The following STEAP1B variants were observed in gnomAD, a reference collection of about 807,000 sequenced individuals.
STEAP1B encodes STEAP family member 1B.
STEAP1B carries 13 observed loss-of-function variants against 27.9 expected under a neutral mutation model. That is an observed-to-expected ratio of 0.47 (90% confidence interval 0.30 to 0.74). The LOEUF (loss-of-function observed/expected upper bound fraction) is 0.74, where lower values mean the gene tolerates loss of function less well. Among genes scored for constraint, STEAP1B ranks in the 30% least tolerant of loss-of-function variants. STEAP1B has a pLI of 0.06. For missense variants in STEAP1B, 250 were observed against 298.7 expected, an observed-to-expected ratio of 0.84 and a Z score of 1.20; for synonymous variants, 86 against 107.1, an observed-to-expected ratio of 0.80 and a Z score of 1.22.
At position 22,422,928 on chromosome 7, in the gene STEAP1B, C is replaced by T. The variant is rs184706689; in HGVS notation, c.763-3092G>A. 2.6e-4 allele frequency among the ~76,000 whole-genome samples: 40 copies of T among 152,152 alleles called. No individual in the cohort carries two copies. In the East Asian group the frequency reaches 5.6e-3, roughly 21 times the overall value. On this transcript the variant is annotated intron_variant, in intron 4 of 4. Transcript: ENST00000678116. ...TGAGAAGAAAAAAGACAAAGCCTTA[C>T]GGTGAAGGGTGTGAACGGAGATATT...
At chr7:22,474,118 G>A (rs1785933037) in intron 4 of STEAP1B, among the ~76,000 whole-genome samples, 2 of 152,108 alleles carry the variant, frequency 1.3e-5, no homozygotes, top group South Asian at 4.1e-4. Flanking sequence ...TTGCTTTGAA[G>A]GGAAAGAAAT....
chr7:22,489,624 T>A (rs1786282696), intron 4 of STEAP1B, among the ~76,000 whole-genome samples: 1 of 152,244 alleles, frequency 6.6e-6, no homozygotes, highest in East Asian at 1.9e-4. Context: ...CATGTGACCG[T>A]GAAGGCAGAG....
intron 4 of STEAP1B, among the ~76,000 whole-genome samples, chr7:22,486,018 A>G (rs1382859194): frequency 6.6e-6 from 1 of 152,172 alleles, no homozygotes; most frequent in Non-Finnish European, 1.5e-5. Context: ...AGCCTGCCAC[A>G]CTCAGTGGTT....
chr7:22,435,291 G>T (rs77016980), intron 4 of STEAP1B, among the ~76,000 whole-genome samples: 6,369 of 152,010 alleles, frequency 0.042, 216 homozygotes, highest in East Asian at 0.17. Context: ...AGGAAAGGAG[G>T]TGGAAAGTGT....
At position 22,419,788 on chromosome 7, in the gene STEAP1B, T is replaced by A; in HGVS notation, c.*16A>T. The stretch of plus-strand genomic sequence containing the variant: ...AGCCTCGTTCTCATTTCCTCTCATG[T>A]TACTGGCAGGATCTGTCACAAGGTC... On this transcript the variant is annotated 3_prime_UTR_variant, in exon 5 of 5. Coordinates refer to ENST00000678116, the MANE Select transcript of STEAP1B (RefSeq NM_001382447.1). 1 of 1,549,454 alleles carries A rather than the reference T, an allele frequency of 6.5e-7. No homozygotes were observed. Among genetic ancestry groups the A allele is most frequent in the East Asian group, 2.4e-5 (1 of 40,818 alleles).
intron 4 of STEAP1B, among the ~76,000 whole-genome samples, chr7:22,485,854 G>A (rs1335243429): frequency 1.3e-5 from 2 of 152,200 alleles, no homozygotes; most frequent in Non-Finnish European, 2.9e-5. Context: ...CCCAGAGTTT[G>A]ATTCAAGAGG....
chr7:22,497,810 TG>T (rs1429970116), intron 1 of STEAP1B, among the ~76,000 whole-genome samples: 1 of 152,212 alleles, frequency 6.6e-6, no homozygotes, highest in Admixed American at 6.5e-5. Flanking sequence ...CATCTGCTTC[TG>T]GGGAGGCCTC....
chr7:22,476,916 G>C (rs898077027), intron 4 of STEAP1B, among the ~76,000 whole-genome samples: 1 of 152,186 alleles, frequency 6.6e-6, no homozygotes, highest in African/African-American at 2.4e-5. Context: ...CTCAGTGCCT[G>C]AGGGTGCTGA....
At chr7:22,426,346 A>T (rs1229250868) in intron 4 of STEAP1B, among the ~76,000 whole-genome samples, 1 of 152,264 alleles carries the variant, frequency 6.6e-6, no homozygotes, top group Non-Finnish European at 1.5e-5. Context: ...AGGACAAAAA[A>T]AAATGAAGTA....
At chr7:22,451,016 G>A (rs1362723755) in intron 4 of STEAP1B, among the ~76,000 whole-genome samples, 2 of 152,086 alleles carry the variant, frequency 1.3e-5, no homozygotes, top group Non-Finnish European at 2.9e-5. Context: ...CTAACATGGT[G>A]AAACCTTGTC....
At chr7:22,436,103 A>G (rs1228155784) in intron 4 of STEAP1B, among the ~76,000 whole-genome samples, 2 of 152,226 alleles carry the variant, frequency 1.3e-5, no homozygotes, top group Non-Finnish European at 2.9e-5. Flanking sequence ...GTAAAATGAG[A>G]GTAATAATAT....
chr7:22,478,535 A>G (rs1018668127), intron 4 of STEAP1B, among the ~76,000 whole-genome samples: 3 of 152,248 alleles, frequency 2.0e-5, no homozygotes, highest in Non-Finnish European at 4.4e-5. Context: ...TATGTGATCA[A>G]AAATCAGAGA....
intron 4 of STEAP1B, among the ~76,000 whole-genome samples, chr7:22,430,663 AG>A (rs1422369546): frequency 6.6e-6 from 1 of 152,216 alleles, no homozygotes; most frequent in Non-Finnish European, 1.5e-5. Context: ...CTGAGAACAC[AG>A]CCCCATGGTT....
At chr7:22,447,111 G>A (rs984985740) in intron 4 of STEAP1B, among the ~76,000 whole-genome samples, 2 of 152,186 alleles carry the variant, frequency 1.3e-5, no homozygotes, top group African/African-American at 4.8e-5. Context: ...GGTAGCCTTA[G>A]TATAGAAGCA....
chr7:22,462,875 A>G (rs1031264783), intron 4 of STEAP1B, among the ~76,000 whole-genome samples: 6 of 151,988 alleles, frequency 3.9e-5, no homozygotes, highest in African/African-American at 1.4e-4. Flanking sequence ...CTATTTCTCC[A>G]CATCCTCTCC....
intron 4 of STEAP1B, among the ~76,000 whole-genome samples, chr7:22,466,361 C>G (rs140862321): frequency 0.017 from 2,429 of 147,212 alleles, 48 homozygotes; most frequent in Non-Finnish European, 0.023. Flanking sequence ...TTTTTTTATT[C>G]TCACCCTCCC....
intron 4 of STEAP1B, among the ~76,000 whole-genome samples, chr7:22,477,016 CA>C (rs1310065181): frequency 6.6e-6 from 1 of 152,216 alleles, no homozygotes; most frequent in African/African-American, 2.4e-5. Flanking sequence ...GCACTTTCTT[CA>C]AAGCCACATA....
intron 4 of STEAP1B, among the ~76,000 whole-genome samples, chr7:22,460,603 T>C (rs1785661940): frequency 6.6e-6 from 1 of 152,078 alleles, no homozygotes; most frequent in African/African-American, 2.4e-5. Context: ...CAGGAGCTCT[T>C]AAGAGCGCAC....
chr7:22,419,662 G>C lies in STEAP1B; in HGVS notation c.*142C>G, dbSNP rs1785020332. 3 of 928,768 alleles carry C rather than the reference G, an allele frequency of 3.2e-6. No individual in the cohort carries two copies. The South Asian group carries it at 6.4e-5, about 20-fold the overall frequency. 57.5% of individuals were successfully genotyped at this position (928,768 alleles called of 1,614,324 possible). On this transcript the variant is annotated 3_prime_UTR_variant, in exon 5 of 5. Coordinates refer to ENST00000678116, the MANE Select transcript of STEAP1B (RefSeq NM_001382447.1). ...CACTCATCTGCCCTGCCGGATCCAT[G>C]TTGACAGAGCAGCCGTCACCTGCAG...
Sources: gnomAD v4.1 joint callset for allele counts (sites outside exome capture counted in the v4.1 genomes callset) on GRCh38, gnomAD v4.1.1 for gene constraint, MANE v1.5 for transcripts, NCBI Gene and HGNC (gene_info 2026-07-23, HGNC 2026-07-21) for gene names.